The following VAV3 variants were observed in gnomAD, a reference collection of about 807,000 sequenced individuals.
VAV3 encodes the protein guanine nucleotide exchange factor VAV3.
Under a neutral mutation model 131.2 loss-of-function variants are expected in VAV3, and 94 were observed. The observed-to-expected ratio is 0.72, with a 90% CI of 0.61 to 0.85. The LOEUF (loss-of-function observed/expected upper bound fraction) is 0.85, where lower values mean the gene tolerates loss of function less well. Among genes scored for constraint, VAV3 ranks in the 40% least tolerant of loss-of-function variants. VAV3 has a pLI of 0.00. For missense variants in VAV3, 939 were observed against 1,002.7 expected, an observed-to-expected ratio of 0.94 and a Z score of 0.86; for synonymous variants, 349 against 342.0, an observed-to-expected ratio of 1.02 and a Z score of -0.22.
At chr1:107,898,855 A>G (rs1671730806) in intron 1 of VAV3, among the ~76,000 whole-genome samples, 1 of 152,214 alleles carries the variant, frequency 6.6e-6, no homozygotes, top group African/African-American at 2.4e-5. Flanking sequence ...ATTTAAAAAC[A>G]AAGTATTTTA....
intron 1 of VAV3, among the ~76,000 whole-genome samples, chr1:107,907,673 T>TCA (rs1491039856): frequency 2.9e-4 from 44 of 151,562 alleles, no homozygotes; most frequent in Admixed American, 2.2e-3. Context: ...TCTCTCTCTC[T>TCA]CACACACACA....
intron 20 of VAV3, among the ~76,000 whole-genome samples, chr1:107,634,037 C>T (rs1263950213): frequency 6.6e-6 from 1 of 152,048 alleles, no homozygotes; most frequent in Admixed American, 6.6e-5. Flanking sequence ...GTGAAAATGG[C>T]CATACTGCCC....
intron 2 of VAV3, among the ~76,000 whole-genome samples, chr1:107,854,360 A>G (rs1669369555): frequency 6.6e-6 from 1 of 152,132 alleles, no homozygotes; most frequent in Admixed American, 6.6e-5. Context: ...ATAAGCCGAC[A>G]CCACCCTGGG....
At chr1:107,691,151 T>C (rs2101783425) in intron 17 of VAV3, among the ~76,000 whole-genome samples, 1 of 152,156 alleles carries the variant, frequency 6.6e-6, no homozygotes, top group East Asian at 1.9e-4. Context: ...TAAACTGTCA[T>C]ACCCACACTA....
chr1:107,581,331 C>G (rs1650036147), intron 25 of VAV3, among the ~76,000 whole-genome samples: 1 of 152,156 alleles, frequency 6.6e-6, no homozygotes, highest in Admixed American at 6.5e-5. Context: ...TGTATGACAC[C>G]TGGCTCTCAA....
intron 1 of VAV3, among the ~76,000 whole-genome samples, chr1:107,957,387 C>A (rs1674869045): frequency 6.6e-6 from 1 of 152,136 alleles, no homozygotes; most frequent in African/African-American, 2.4e-5. Flanking sequence ...CCATCCAATC[C>A]ACCCCTCTCT....
chr1:107,955,665 G>A (rs1674774619), intron 1 of VAV3, among the ~76,000 whole-genome samples: 1 of 152,044 alleles, frequency 6.6e-6, no homozygotes, highest in South Asian at 2.1e-4. Context: ...AATGAAAAAG[G>A]GAACTTCAAG....
rs192928293 is a variant in VAV3, at chr1:107,733,859, G to A, written c.1502+15109C>T. ...AGGACGTCCCCAACCTAACAAGGCAGGCCAACATTCAAATTCAGGAAATAC... is the reference window on the plus strand; with the variant it reads ...AGGACGTCCCCAACCTAACAAGGCAAGCCAACATTCAAATTCAGGAAATAC... On this transcript the variant is annotated intron_variant, in intron 15 of 26. Transcript: ENST00000370056. Among the ~76,000 whole-genome samples, 6 of 152,176 alleles carry A rather than the reference G, an allele frequency of 3.9e-5. No homozygotes were observed. The East Asian group carries it at 1.2e-3, about 29-fold the overall frequency.
chr1:107,769,410 A>G (rs1664915156), intron 6 of VAV3, among the ~76,000 whole-genome samples: 1 of 152,216 alleles, frequency 6.6e-6, no homozygotes, highest in Non-Finnish European at 1.5e-5. Flanking sequence ...GTGCTACTAC[A>G]GTTCCCTAGT....
chr1:107,663,249 T>C (rs1025136612), intron 19 of VAV3, among the ~76,000 whole-genome samples: 1 of 152,182 alleles, frequency 6.6e-6, no homozygotes, highest in East Asian at 1.9e-4. Context: ...AATTCTAAGA[T>C]ACAGACTTCT....
At chr1:107,733,196 A>T (rs1662366171) in intron 15 of VAV3, among the ~76,000 whole-genome samples, 1 of 152,192 alleles carries the variant, frequency 6.6e-6, no homozygotes, top group African/African-American at 2.4e-5. Context: ...CATCAACATC[A>T]ACAAAAAGGA....
chr1:107,863,822 T>G (rs1408228343), intron 2 of VAV3, among the ~76,000 whole-genome samples: 1 of 152,198 alleles, frequency 6.6e-6, no homozygotes, highest in Non-Finnish European at 1.5e-5. Flanking sequence ...AGAAGTTTGA[T>G]TTCAGTTCTC....
At chr1:107,658,091 T>C (rs1656713545) in intron 19 of VAV3, among the ~76,000 whole-genome samples, 1 of 152,220 alleles carries the variant, frequency 6.6e-6, no homozygotes, top group Non-Finnish European at 1.5e-5. Context: ...AAGAAAACCG[T>C]ACTTCCTTTC....
intron 1 of VAV3, among the ~76,000 whole-genome samples, chr1:107,964,166 T>C (rs1220968201): frequency 6.6e-6 from 1 of 152,138 alleles, no homozygotes; most frequent in Non-Finnish European, 1.5e-5. Context: ...CCAATGTCAC[T>C]CCTGGACAGA....
intron 1 of VAV3, 125 bp from the exon 2 acceptor site, chr1:107,875,142 C>A: frequency 1.2e-6 from 1 of 812,264 alleles, no homozygotes; most frequent in Non-Finnish European, 2.0e-6. Flanking sequence ...AGTTGCTTTT[C>A]AATTACTCAT....
intron 25 of VAV3, among the ~76,000 whole-genome samples, chr1:107,595,913 G>A (rs930270014): frequency 6.6e-6 from 1 of 152,056 alleles, no homozygotes; most frequent in Non-Finnish European, 1.5e-5. Context: ...GTTAAAAAGA[G>A]TTTAGTTAAT....
chr1:107,595,840 T>G (rs1259572091), intron 25 of VAV3, among the ~76,000 whole-genome samples: 2 of 152,170 alleles, frequency 1.3e-5, no homozygotes, highest in African/African-American at 2.4e-5. Flanking sequence ...TGGAGAGCTG[T>G]GTACCAGCCC....
chr1:107,824,796 A>G (rs544513775), intron 2 of VAV3, among the ~76,000 whole-genome samples: 63 of 152,254 alleles, frequency 4.1e-4, no homozygotes, highest in African/African-American at 1.5e-3. Flanking sequence ...GTTAGTCACA[A>G]TGATTTACTA....
At chr1:107,642,948 A>G (rs921054944) in intron 19 of VAV3, among the ~76,000 whole-genome samples, 193 bp from the exon 20 acceptor site, 2 of 152,162 alleles carry the variant, frequency 1.3e-5, no homozygotes, top group Non-Finnish European at 2.9e-5. Context: ...AATAAGACAC[A>G]TATTTATCCC....
Sources: gnomAD v4.1 joint callset for allele counts (sites outside exome capture counted in the v4.1 genomes callset) on GRCh38, gnomAD v4.1.1 for gene constraint, MANE v1.5 for transcripts, NCBI Gene and HGNC (gene_info 2026-07-23, HGNC 2026-07-21) for gene names.